Variants in SPATA6 observed in about 807,000 individuals in gnomAD.
SPATA6 encodes spermatogenesis associated 6, also known as spermatogenesis-associated protein 6.
A neutral mutation model predicts 65.3 loss-of-function variants in SPATA6; 56 were observed. The ratio of observed to expected loss-of-function variants is 0.86; its 90% CI spans 0.69 to 1.07. The LOEUF is 1.07. Ranked by LOEUF, SPATA6 falls within the 50% of genes least tolerant of loss-of-function variation. The pLI, the probability that SPATA6 is intolerant of heterozygous loss-of-function variation, is 0.00. For synonymous variants in SPATA6, 199 were observed against 213.2 expected (o/e 0.93, Z 0.58); for missense variants, 590 against 594.8 (o/e 0.99, Z 0.08).
At chr1:48,278,193 A>AT in the SPATA6 span, among the ~76,000 whole-genome samples, 1 of 151,034 alleles carries the variant, frequency 6.6e-6, no homozygotes, top group Admixed American at 6.7e-5. Flanking sequence ...CATCCCCATC[A>AT]TCAAAGACCA....
intron 3 of SPATA6, among the ~76,000 whole-genome samples, chr1:48,414,792 T>G (rs1268153648): frequency 6.6e-6 from 1 of 152,128 alleles, no homozygotes; most frequent in Non-Finnish European, 1.5e-5. Context: ...TAAGTACAAA[T>G]ACTTACATAA....
chr1:48,402,180 CTT>C (rs1306291400), intron 6 of SPATA6, among the ~76,000 whole-genome samples: 2 of 152,034 alleles, frequency 1.3e-5, no homozygotes, highest in Admixed American at 6.6e-5. Flanking sequence ...ATGGAAGACT[CTT>C]GTTAAAAGTT....
At chr1:48,281,340 T>C in the SPATA6 span, among the ~76,000 whole-genome samples, 2 of 151,112 alleles carry the variant, frequency 1.3e-5, no homozygotes, top group Non-Finnish European at 3.0e-5. Context: ...CCAGGGCAAT[T>C]AGGCAGGAGA....
intron 7 of SPATA6, among the ~76,000 whole-genome samples, chr1:48,398,630 A>C (rs1320252728): frequency 6.6e-6 from 1 of 151,832 alleles, no homozygotes; most frequent in African/African-American, 2.4e-5. Flanking sequence ...AGCTTTCAGT[A>C]AAGAATTGCT....
chr1:48,367,378 CTAA>C, intron 9 of SPATA6, among the ~76,000 whole-genome samples: 1 of 152,102 alleles, frequency 6.6e-6, no homozygotes, highest in African/African-American at 2.4e-5. Context: ...GTTAATCTGT[CTAA>C]TGTTGACAGT....
chr1:48,435,978 G>A, intron 3 of SPATA6: 1 of 1,601,754 alleles, frequency 6.2e-7, no homozygotes, highest in Non-Finnish European at 8.5e-7. Context: ...TGTCTCTTTT[G>A]GATTGCTTCT....
intron 11 of SPATA6, among the ~76,000 whole-genome samples, chr1:48,314,619 A>T (rs914107963): frequency 6.6e-6 from 1 of 152,198 alleles, no homozygotes; most frequent in African/African-American, 2.4e-5. Context: ...CTCTAACATC[A>T]CAATTAAAAG....
At chr1:48,436,343 T>A in intron 3 of SPATA6, 2 of 1,612,456 alleles carry the variant, frequency 1.2e-6, no homozygotes, top group South Asian at 2.2e-5. Context: ...TGGACAGTTT[T>A]CACTGTTGGC....
intron 9 of SPATA6, among the ~76,000 whole-genome samples, chr1:48,362,245 C>G (rs759807689): frequency 1.3e-5 from 2 of 151,896 alleles, no homozygotes; most frequent in Admixed American, 6.6e-5. Context: ...CACAGCAACA[C>G]TCTGTCTCAA....
At chr1:48,368,874 T>C (rs1004792639) in intron 9 of SPATA6, among the ~76,000 whole-genome samples, 4 of 152,180 alleles carry the variant, frequency 2.6e-5, no homozygotes, top group Non-Finnish European at 4.4e-5. Flanking sequence ...AGGCGTGCTG[T>C]TTTTTAGATT....
At chr1:48,469,890 T>C (rs761638101) in intron 1 of SPATA6, among the ~76,000 whole-genome samples, 1 of 151,666 alleles carries the variant, frequency 6.6e-6, no homozygotes, top group Non-Finnish European at 1.5e-5. Flanking sequence ...TGTTCAAAAA[T>C]TCGGGAACAT....
chr1:48,436,119 T>C, intron 3 of SPATA6: 8 of 1,610,202 alleles, frequency 5.0e-6, no homozygotes, highest in Middle Eastern at 2.2e-4. Flanking sequence ...AAGTACTATG[T>C]TCCACCAACG....
At chr1:48,290,934 TCAA>T (rs1201319842), downstream of SPATA6, among the ~76,000 whole-genome samples, 29 of 152,032 alleles carry the variant, frequency 1.9e-4, 1 homozygote, top group Admixed American at 1.2e-3. Flanking sequence ...ATTAGACAGA[TCAA>T]CGAGACAGAA....
At chr1:48,374,620 A>G (rs1294045158) in intron 9 of SPATA6, among the ~76,000 whole-genome samples, 1 of 152,180 alleles carries the variant, frequency 6.6e-6, no homozygotes. Context: ...AGACTGCTCA[A>G]TCATCAATCA....
At chr1:48,353,925 G>T (rs561414161) in intron 11 of SPATA6, among the ~76,000 whole-genome samples, 1 of 152,026 alleles carries the variant, frequency 6.6e-6, no homozygotes, top group South Asian at 2.1e-4. Context: ...TTAACCAAAA[G>T]ATACTATTAA....
At chr1:48,391,729 C>T (rs918032287) in intron 8 of SPATA6, among the ~76,000 whole-genome samples, 2 of 151,878 alleles carry the variant, frequency 1.3e-5, no homozygotes, top group African/African-American at 4.8e-5. Flanking sequence ...AAGTTATAAC[C>T]AAAGTTGAAC....
the SPATA6 span, among the ~76,000 whole-genome samples, chr1:48,289,993 A>G: frequency 6.6e-6 from 1 of 152,232 alleles, no homozygotes; most frequent in African/African-American, 2.4e-5. Flanking sequence ...TTCAGGAAGT[A>G]AAGAAAACGC....
chr1:48,364,710 A>G (rs142969927), intron 9 of SPATA6, among the ~76,000 whole-genome samples: 1,867 of 152,274 alleles, frequency 0.012, 46 homozygotes, highest in African/African-American at 0.043. Flanking sequence ...CCTTTGGCAG[A>G]TGAGTAGGTT....
At chr1:48,449,082 G>A (rs1026194513) in intron 3 of SPATA6, among the ~76,000 whole-genome samples, 7 of 152,034 alleles carry the variant, frequency 4.6e-5, no homozygotes, top group African/African-American at 1.7e-4. Flanking sequence ...AGGAGGGAAT[G>A]AAGGATTTGC....
Sources: allele counts gnomAD v4.1 joint callset (sites outside exome capture counted in the v4.1 genomes callset), GRCh38; gene constraint gnomAD v4.1.1; transcripts MANE v1.5; gene names NCBI Gene and HGNC (gene_info 2026-07-23, HGNC 2026-07-21).